The following ANKRD46 variants were observed in gnomAD, a reference collection of about 807,000 sequenced individuals.
ANKRD46 encodes ankyrin repeat domain-containing protein 46.
In ANKRD46, 13 loss-of-function variants were observed where a neutral mutation model predicts 19.8. The observed-to-expected ratio is 0.66, with a 90% CI of 0.43 to 1.04. The LOEUF is 1.04. Among genes scored for constraint, ANKRD46 ranks in the 50% least tolerant of loss-of-function variants. The pLI, the probability that ANKRD46 is intolerant of heterozygous loss-of-function variation, is 0.00. For missense variants in ANKRD46, 185 were observed against 274.8 expected, an observed-to-expected ratio of 0.67 and a Z score of 2.31; for synonymous variants, 91 against 106.9, an observed-to-expected ratio of 0.85 and a Z score of 0.92.
intron 4 of ANKRD46, 79 bp from the exon 5 acceptor site, chr8:100,522,850 T>C: frequency 3.8e-6 from 4 of 1,060,726 alleles, no homozygotes; most frequent in Non-Finnish European, 5.6e-6. Flanking sequence ...GGCTACTATT[T>C]AGAAAAGACC....
chr8:100,510,640 C>T lies in ANKRD46; in HGVS notation c.637-1G>A. 2.0e-6 allele frequency: 3 copies of T among 1,533,842 alleles called. No homozygotes were observed. Among genetic ancestry groups the T allele is most frequent in the Non-Finnish European group, 2.6e-6 (3 of 1,145,726 alleles). ...AGCTTCCAAGCCTCAGTGTCCTTCT[C>T]TGTAAATGTGGGGAAGACAGATTAA... On this transcript the variant is annotated splice_acceptor_variant, in intron 5 of 5. Coordinates refer to the ANKRD46 transcript ENST00000520552. LOFTEE classifies it high-confidence loss of function. This position sits in a 1 kb window ranked among gnomAD's most constrained non-coding sequence, Gnocchi z 4.9.
At chr8:100,520,267 A>G (rs1030071349), downstream of ANKRD46, among the ~76,000 whole-genome samples, 3 of 152,220 alleles carry the variant, frequency 2.0e-5, no homozygotes, top group African/African-American at 7.2e-5. Flanking sequence ...TGGAAAATTT[A>G]GTAATGTCCT....
At position 100,536,620 on chromosome 8, in the gene ANKRD46, T is replaced by G. The variant is rs1050775623; in HGVS notation, c.-130-3309A>C. ...TGACATCTAGTTGGCAGTAAAGACC[T>G]CCAGGAAAGAAAAATAAAAGAACTG... On this transcript the variant is annotated intron_variant, in intron 1 of 4. Transcript: ENST00000335659. This position sits in a 1 kb window ranked among gnomAD's most constrained non-coding sequence, Gnocchi z 4.9. Among the ~76,000 whole-genome samples, 1 of 151,914 alleles carries G rather than the reference T, an allele frequency of 6.6e-6. No homozygotes were observed. The highest frequency in any genetic ancestry group is 1.5e-5 in the Non-Finnish European group (1 of 67,966).
downstream of ANKRD46, among the ~76,000 whole-genome samples, chr8:100,519,963 T>C (rs559571599): frequency 6.6e-6 from 1 of 152,312 alleles, no homozygotes; most frequent in African/African-American, 2.4e-5. Context: ...GGATGCTCTG[T>C]AGACAGATGG....
At chr8:100,528,069 T>A (rs1303517175) in intron 3 of ANKRD46, 66 bp from the exon 4 acceptor site, 1 of 1,415,860 alleles carries the variant, frequency 7.1e-7, no homozygotes, top group East Asian at 2.5e-5. Context: ...TTATACTACA[T>A]TGTCAGTTCC....
intron 1 of ANKRD46, among the ~76,000 whole-genome samples, chr8:100,539,020 G>A (rs1158281949): frequency 6.6e-6 from 1 of 152,178 alleles, no homozygotes; most frequent in African/African-American, 2.4e-5. Flanking sequence ...AAAGAATTTT[G>A]TGATGCAGAT....
chr8:100,530,420 A>G lies in ANKRD46; in HGVS notation c.-27-560T>C, dbSNP rs139064910. Among the ~76,000 whole-genome samples the G allele has an allele frequency of 7.7e-3, 1,150 of 150,046 alleles. 18 individuals carry two copies. The highest frequency in any genetic ancestry group is 0.026 in the African/African-American group (1,067 of 40,664). On this transcript the variant is annotated intron_variant, in intron 2 of 4. Coordinates refer to ENST00000335659, the MANE Select transcript of ANKRD46 (RefSeq NM_001270377.2). ...TTTTTTTGAGATGGTGTCTCGCTCTATTGCCCAGGCTGGAGTGCAGTGGCG... is the reference window on the plus strand; with the variant it reads ...TTTTTTTGAGATGGTGTCTCGCTCTGTTGCCCAGGCTGGAGTGCAGTGGCG...
intron 4 of ANKRD46, among the ~76,000 whole-genome samples, chr8:100,526,890 G>C (rs1204128673): frequency 6.6e-6 from 1 of 152,108 alleles, no homozygotes; most frequent in Non-Finnish European, 1.5e-5. Flanking sequence ...CAGCTACTAG[G>C]TAAACAGCTG....
intron 4 of ANKRD46, among the ~76,000 whole-genome samples, chr8:100,523,707 G>A (rs750595065): frequency 2.0e-5 from 3 of 151,776 alleles, no homozygotes; most frequent in Non-Finnish European, 4.4e-5. Context: ...ACAGTGATGC[G>A]ATCTCAGCTC....
chr8:100,536,937 A>G lies in ANKRD46; in HGVS notation c.-130-3626T>C, dbSNP rs958943332. 1.3e-5 allele frequency among the ~76,000 whole-genome samples: 2 copies of G among 152,196 alleles called. No individual in the cohort carries two copies. The highest frequency in any genetic ancestry group is 3.8e-4 in the East Asian group (2 of 5,196). On this transcript the variant is annotated intron_variant, in intron 1 of 4. Coordinates refer to ENST00000335659, the MANE Select transcript of ANKRD46 (RefSeq NM_001270377.2). This position sits in a 1 kb window ranked among gnomAD's most constrained non-coding sequence, Gnocchi z 4.9. The stretch of plus-strand genomic sequence containing the variant: ...TGAAGATGGAGTCATTTATCCTTTC[A>G]CATGACGCAGTCACTTAGATCGCGG...
chr8:100,547,568 G>C (rs1047903998), intron 1 of ANKRD46, among the ~76,000 whole-genome samples: 5 of 152,186 alleles, frequency 3.3e-5, no homozygotes, highest in Admixed American at 3.3e-4. Context: ...GCTGCAGTGA[G>C]CTGTGATCAT....
chr8:100,513,549 A>G (rs1238380939), intron 5 of ANKRD46, among the ~76,000 whole-genome samples: 1 of 152,236 alleles, frequency 6.6e-6, no homozygotes, highest in African/African-American at 2.4e-5. Context: ...TGTTGGCTCC[A>G]AGTCTACGTG....
intron 1 of ANKRD46, among the ~76,000 whole-genome samples, chr8:100,548,780 A>G (rs1812322456): frequency 6.6e-6 from 1 of 152,242 alleles, no homozygotes; most frequent in Non-Finnish European, 1.5e-5. Context: ...TAACTAAACT[A>G]AAAATGTATA....
In ANKRD46 at chr8:100,543,844, C is replaced by CA; in HGVS notation, c.-130-10534_-130-10533insT. Among the ~76,000 whole-genome samples the CA allele has an allele frequency of 6.6e-6, 1 of 152,266 alleles. No individual in the cohort carries two copies. The highest frequency in any genetic ancestry group is 2.1e-4 in the South Asian group (1 of 4,828). Reference sequence around the variant, plus strand: ...GTGATACTATCAAAATAAATCTATTCCAAATACATCTAAATATTTTTATTC... The same window carrying CA: ...GTGATACTATCAAAATAAATCTATTCACAAATACATCTAAATATTTTTATTC... On this transcript the variant is annotated intron_variant, in intron 1 of 4. Coordinates refer to ENST00000335659, the MANE Select transcript of ANKRD46 (RefSeq NM_001270377.2). The surrounding 1 kb of genome is among the most constrained non-coding windows in gnomAD (Gnocchi z 4.2).
intron 3 of ANKRD46, 97 bp from the exon 4 acceptor site, chr8:100,528,100 T>A: frequency 1.6e-6 from 2 of 1,281,654 alleles, no homozygotes; most frequent in Non-Finnish European, 2.0e-6. Flanking sequence ...CCCACTTATA[T>A]AGATCTCAGT....
Position 100,532,709 on chromosome 8 carries a change from G to C in ANKRD46, c.-28+500C>G, listed in dbSNP as rs1245306289. Among the ~76,000 whole-genome samples the C allele has an allele frequency of 6.6e-6, 1 of 152,098 alleles. No homozygotes were observed. The highest frequency in any genetic ancestry group is 1.5e-5 in the Non-Finnish European group (1 of 68,008). ...TTAAAAAATTGCAAAAAAAATCTCA[G>C]AATGTTTTTTAAAAGTTTATGAATT... On this transcript the variant is annotated intron_variant, in intron 2 of 4. Transcript: ENST00000335659. This position sits in a 1 kb window ranked among gnomAD's most constrained non-coding sequence, Gnocchi z 4.7.
intron 1 of ANKRD46, among the ~76,000 whole-genome samples, chr8:100,555,119 A>C (rs1812466966): frequency 6.6e-6 from 1 of 152,166 alleles, no homozygotes; most frequent in African/African-American, 2.4e-5. Context: ...ACATCACAAT[A>C]GTGTCTTTTA....
At position 100,557,641 on chromosome 8, in the gene ANKRD46, GACCTTGTCTC is replaced by G. The variant is rs1812527944; in HGVS notation, c.-131+2060_-131+2069del. On this transcript the variant is annotated intron_variant, in intron 1 of 4. Transcript: ENST00000335659. The surrounding 1 kb of genome is among the most constrained non-coding windows in gnomAD (Gnocchi z 5.9). Reference sequence around the variant, plus strand: ...CCTTACCTGGGCCCATTAGCTCTCTGACCTTGTCTCACCCTCCTTCCCTCCAGGTGCTCAA... The same window carrying G: ...CCTTACCTGGGCCCATTAGCTCTCTGACCCTCCTTCCCTCCAGGTGCTCAA... Among the ~76,000 whole-genome samples the G allele has an allele frequency of 6.6e-6, 1 of 152,150 alleles. No homozygotes were observed. The highest frequency in any genetic ancestry group is 2.4e-5 in the African/African-American group (1 of 41,430).
Position 100,522,772 on chromosome 8 carries a change from C to T in ANKRD46, c.471-1G>A, listed in dbSNP as rs1811753372. 1 of 1,613,200 alleles carries T rather than the reference C, an allele frequency of 6.2e-7. No individual in the cohort carries two copies. Among genetic ancestry groups the T allele is most frequent in the Non-Finnish European group, 8.5e-7 (1 of 1,179,660 alleles). ...GAGGAGTGAATGGCTTTCCATGGCA[C>T]TGTGGAAGAAGAAAGAGCAAAAAGG... On this transcript the variant is annotated splice_acceptor_variant, in intron 4 of 4. Transcript: ENST00000335659. LOFTEE classifies it high-confidence loss of function.
Sources: gnomAD v4.1 joint callset for allele counts (sites outside exome capture counted in the v4.1 genomes callset) on GRCh38, gnomAD v4.1.1 for gene constraint, Gnocchi (gnomAD v3.1) non-coding constraint, MANE v1.5 for transcripts, NCBI Gene and HGNC (gene_info 2026-07-23, HGNC 2026-07-21) for gene names.